The following CELF2 variants were observed in gnomAD, a reference collection of about 807,000 sequenced individuals.
CELF2 encodes the protein CUGBP Elav-like family member 2.
Under a neutral mutation model 62.6 loss-of-function variants are expected in CELF2, and 8 were observed. That is an observed-to-expected ratio of 0.13 (90% CI 0.07 to 0.23). CELF2 has a LOEUF of 0.23. Among genes scored for constraint, CELF2 ranks in the 10% least tolerant of loss-of-function variants. The pLI is 1.00. For missense variants in CELF2, 333 were observed against 671.0 expected, an observed-to-expected ratio of 0.50 and a Z score of 5.56; for synonymous variants, 258 against 250.0, an observed-to-expected ratio of 1.03 and a Z score of -0.30.
intron 2 of CELF2, among the ~76,000 whole-genome samples, chr10:10,921,309 G>C (rs1054730930): frequency 6.7e-6 from 1 of 149,104 alleles, no homozygotes; most frequent in African/African-American, 2.5e-5. Flanking sequence ...TCCTTCTGTC[G>C]CCCAGGCTGG....
the CELF2 span, among the ~76,000 whole-genome samples, chr10:10,775,308 C>T: frequency 6.6e-6 from 1 of 152,144 alleles, no homozygotes; most frequent in East Asian, 1.9e-4. Flanking sequence ...CAAGGAGGCA[C>T]TGGGGCTCTG....
At chr10:10,799,196 T>G (rs1448332193) in intron 1 of CELF2, among the ~76,000 whole-genome samples, 1 of 152,080 alleles carries the variant, frequency 6.6e-6, no homozygotes, top group East Asian at 1.9e-4. Context: ...AGAGCGAAAT[T>G]TGGCCAGGTG....
intron 1 of CELF2, among the ~76,000 whole-genome samples, chr10:11,072,523 C>G (rs1398893607): frequency 6.6e-6 from 1 of 152,204 alleles, no homozygotes; most frequent in African/African-American, 2.4e-5. Flanking sequence ...GCCACGGTAG[C>G]CACACCCCGT....
At chr10:11,241,059 A>G (rs191925081) in intron 3 of CELF2, among the ~76,000 whole-genome samples, 1 of 152,134 alleles carries the variant, frequency 6.6e-6, no homozygotes, top group Non-Finnish European at 1.5e-5. Context: ...AATTCAGTTA[A>G]TGACCATGCA....
chr10:10,521,391 T>G, the CELF2 span, among the ~76,000 whole-genome samples: 1 of 152,318 alleles, frequency 6.6e-6, no homozygotes, highest in Non-Finnish European at 1.5e-5. Flanking sequence ...AGGCACAGTC[T>G]TGGAAAGCTA....
At chr10:11,189,132 G>A (rs1015240467) in intron 2 of CELF2, among the ~76,000 whole-genome samples, 2 of 152,168 alleles carry the variant, frequency 1.3e-5, no homozygotes, top group African/African-American at 4.8e-5. Flanking sequence ...ACCGTGAATT[G>A]TGAGTATTTT....
chr10:10,909,451 CTT>C (rs1195830171), intron 1 of CELF2, among the ~76,000 whole-genome samples: 1 of 152,188 alleles, frequency 6.6e-6, no homozygotes, highest in Non-Finnish European at 1.5e-5. Flanking sequence ...TGGATGGAGT[CTT>C]TCTGTGGCCG....
chr10:11,229,598 A>ATTT (rs371276816), intron 3 of CELF2, among the ~76,000 whole-genome samples: 101 of 141,600 alleles, frequency 7.1e-4, no homozygotes, highest in East Asian at 3.1e-3. Flanking sequence ...TGGCATCAGT[A>ATTT]TTTTTTTTTT....
the CELF2 span, chr10:10,776,578 C>A: frequency 6.3e-6 from 1 of 157,924 alleles, no homozygotes; most frequent in South Asian, 1.8e-4. Context: ...AAAAGGAGCC[C>A]AATGCGTGTG....
intron 8 of CELF2, among the ~76,000 whole-genome samples, chr10:11,284,431 A>T (rs1380389234): frequency 1.3e-4 from 18 of 140,832 alleles, no homozygotes; most frequent in African/African-American, 4.1e-4. Flanking sequence ...TAGGTGGATG[A>T]TGGATGAGTG....
At chr10:11,020,587 C>T (rs745448993) in intron 1 of CELF2, among the ~76,000 whole-genome samples, 4 of 152,090 alleles carry the variant, frequency 2.6e-5, no homozygotes, top group Admixed American at 6.5e-5. Context: ...AAATTGCAGT[C>T]GGCTAGATAT....
chr10:10,857,429 AC>A lies in CELF2; in HGVS notation c.53+58616del, dbSNP rs1324816142. 2.6e-5 allele frequency among the ~76,000 whole-genome samples: 4 copies of A among 151,846 alleles called. No individual in the cohort carries two copies. The East Asian group carries it at 7.8e-4, about 30-fold the overall frequency. The stretch of plus-strand genomic sequence containing the variant: ...TTGGAGTAAAGGCTAATGTAGAATC[AC>A]CCCAACAAAGCTTAAAAACAAATCT... On this transcript the variant is annotated intron_variant, in intron 1 of 13. Coordinates refer to the CELF2 transcript ENST00000636488.
chr10:11,249,465 GC>G (rs2076519362), intron 4 of CELF2, among the ~76,000 whole-genome samples: 1 of 152,108 alleles, frequency 6.6e-6, no homozygotes, highest in African/African-American at 2.4e-5. Flanking sequence ...TTTGGGACTT[GC>G]CCTGTATAGG....
chr10:10,778,147 G>A, the CELF2 span, among the ~76,000 whole-genome samples: 1 of 152,188 alleles, frequency 6.6e-6, no homozygotes, highest in Non-Finnish European at 1.5e-5. Context: ...GTCCAGAAAG[G>A]GAGCAAGGGG....
At chr10:10,945,458 G>A (rs2047556150) in intron 2 of CELF2, among the ~76,000 whole-genome samples, 1 of 152,206 alleles carries the variant, frequency 6.6e-6, no homozygotes, top group Non-Finnish European at 1.5e-5. Flanking sequence ...AAGAGGAAGA[G>A]CCAGCTCTGC....
chr10:10,785,159 T>C, the CELF2 span, among the ~76,000 whole-genome samples: 1 of 152,222 alleles, frequency 6.6e-6, no homozygotes, highest in South Asian at 2.1e-4. Flanking sequence ...CCTTGATTCT[T>C]CATGGTGATC....
At chr10:10,905,477 T>G (rs1286872155) in intron 1 of CELF2, among the ~76,000 whole-genome samples, 2 of 151,128 alleles carry the variant, frequency 1.3e-5, no homozygotes, top group Non-Finnish European at 3.0e-5. Flanking sequence ...GCATGGTGGC[T>G]CACGCCCGTT....
At chr10:10,675,234 C>A in the CELF2 span, among the ~76,000 whole-genome samples, 1 of 152,154 alleles carries the variant, frequency 6.6e-6, no homozygotes, top group Non-Finnish European at 1.5e-5. Context: ...TCCCTCACTA[C>A]TGAAAAATAA....
intron 2 of CELF2, among the ~76,000 whole-genome samples, chr10:11,200,285 TGCC>T (rs1164035422): frequency 6.6e-6 from 1 of 152,240 alleles, no homozygotes; most frequent in African/African-American, 2.4e-5. Flanking sequence ...GCCTCACCTT[TGCC>T]TCCATTCTGT....
Sources: gnomAD v4.1 joint callset for allele counts (sites outside exome capture counted in the v4.1 genomes callset) on GRCh38, gnomAD v4.1.1 for gene constraint, MANE v1.5 for transcripts, NCBI Gene and HGNC (gene_info 2026-07-23, HGNC 2026-07-21) for gene names.